Variants in DOP1A observed in about 807,000 individuals in gnomAD.
The protein encoded by DOP1A is protein DOP1A.
DOP1A carries 90 observed loss-of-function variants against 267.6 expected under a neutral mutation model. The observed-to-expected ratio is 0.34, with a 90% CI of 0.28 to 0.40. The LOEUF (loss-of-function observed/expected upper bound fraction) is 0.40, where lower values mean the gene tolerates loss of function less well. Ranked by LOEUF, DOP1A falls within the 10% of genes least tolerant of loss-of-function variation. The probability of loss-of-function intolerance (pLI) is 1.00; values close to 1 mark genes in which losing one functional copy is unlikely to be tolerated. For missense variants in DOP1A, 2,437 were observed against 2,900.4 expected (o/e 0.84, Z 3.67); for synonymous variants, 932 against 999.1 (o/e 0.93, Z 1.27).
chr6:83,078,172 A>G (rs772263550), intron 1 of DOP1A, among the ~76,000 whole-genome samples: 2 of 152,236 alleles, frequency 1.3e-5, no homozygotes, highest in Non-Finnish European at 2.9e-5. Context: ...GGTTTTGCTT[A>G]GCTGGGACAG....
intron 1 of DOP1A, among the ~76,000 whole-genome samples, chr6:83,080,790 A>G (rs1767940546): frequency 6.6e-6 from 1 of 152,200 alleles, no homozygotes; most frequent in Non-Finnish European, 1.5e-5. Flanking sequence ...ACGGCCATTT[A>G]TTGAATTAAA....
rs967139582 is a variant in DOP1A at position 83,135,124 on chromosome 6, C to G, written c.2871-495C>G. Among the ~76,000 whole-genome samples, 3 of 152,124 alleles carry G rather than the reference C, an allele frequency of 2.0e-5. No homozygotes were observed. In the South Asian group the frequency reaches 6.2e-4, roughly 31 times the overall value. ...TCAGGAAAAGTTGTTACTTGCCCAA[C>G]ACCACACAAAATATTTGAATCTTGG... On this transcript the variant is annotated intron_variant, in intron 19 of 38. Coordinates refer to ENST00000349129, the MANE Select transcript of DOP1A (RefSeq NM_015018.4).
chr6:83,135,984 A>G (rs981647002), intron 20 of DOP1A, 106 bp downstream of exon 20: 13 of 1,357,140 alleles, frequency 9.6e-6, no homozygotes, highest in Admixed American at 2.3e-5. Context: ...GATTTTCTCC[A>G]TGGGCTTATT....
chr6:83,102,566 C>A (rs551719428), intron 4 of DOP1A, among the ~76,000 whole-genome samples: 3 of 152,352 alleles, frequency 2.0e-5, no homozygotes, highest in Admixed American at 6.5e-5. Flanking sequence ...CTTCCCTGAA[C>A]CTTCACTGGC....
chr6:83,138,426 T>C lies in DOP1A; in HGVS notation c.4384T>C (p.Tyr1462His), dbSNP rs1025758668. 1 of 1,611,906 alleles carries C rather than the reference T, an allele frequency of 6.2e-7. No individual in the cohort carries two copies. Among genetic ancestry groups the C allele is most frequent in the Admixed American group, 1.7e-5 (1 of 59,990 alleles). Reference protein sequence around the residue: ...YIEILISLCLYYMRSHYPTHV... With the variant: ...YIEILISLCLHYMRSHYPTHV... ...AGAAATTCTTATTTCTCTCTGCTTA[T>C]ATTACATGCGTAGCCATTACCCAAC... Residue 1462 changes from tyrosine (Y) to histidine (H), a missense_variant, in exon 21 of 39, where the codon TAT becomes CAT. Around this residue, in one of 9 missense-constraint regions of DOP1A, gnomAD observed 878 missense variants for 992.9 expected, o/e 0.88. Transcript: ENST00000349129.
intron 1 of DOP1A, among the ~76,000 whole-genome samples, chr6:83,093,088 A>G (rs2128104966): frequency 6.6e-6 from 1 of 152,294 alleles, no homozygotes; most frequent in South Asian, 2.1e-4. Context: ...CCTTAGCATC[A>G]AATATCAAGT....
At chr6:83,130,031 G>C in intron 16 of DOP1A, 92 bp from the exon 17 acceptor site, 1 of 1,491,728 alleles carries the variant, frequency 6.7e-7, no homozygotes, top group Middle Eastern at 1.9e-4. Flanking sequence ...GGCCTTAAAA[G>C]TATTTAGTGG....
At chr6:83,143,543 G>A (rs1403646244) in intron 24 of DOP1A, among the ~76,000 whole-genome samples, 1 of 152,088 alleles carries the variant, frequency 6.6e-6, no homozygotes, top group East Asian at 1.9e-4. Context: ...TAATAGTAAT[G>A]TCCTTAAGTG....
At chr6:83,085,357 A>G (rs1276299759) in intron 1 of DOP1A, among the ~76,000 whole-genome samples, 4 of 152,230 alleles carry the variant, frequency 2.6e-5, no homozygotes, top group Non-Finnish European at 5.9e-5. Context: ...TAGACAGGAA[A>G]CAAGCAAATA....
At chr6:83,145,311 G>A (rs1199252241) in intron 24 of DOP1A, among the ~76,000 whole-genome samples, 1 of 128,026 alleles carries the variant, frequency 7.8e-6, no homozygotes, top group Non-Finnish European at 1.6e-5. Context: ...GCTGGGTGCA[G>A]TGGCTCATGC....
intron 24 of DOP1A, among the ~76,000 whole-genome samples, chr6:83,144,938 C>CA: frequency 6.8e-6 from 1 of 148,050 alleles, no homozygotes. Flanking sequence ...ACTCTGTCTC[C>CA]ACAAAAAAAT....
Position 83,098,085 on chromosome 6 carries a change from A to G in DOP1A, c.138+970A>G, listed in dbSNP as rs183522281. ...ATTTTTTTAGAGATAGGATCTCGCTATGTTGACCAGGGTGGTCTTGAACTC... is the reference window on the plus strand; with the variant it reads ...ATTTTTTTAGAGATAGGATCTCGCTGTGTTGACCAGGGTGGTCTTGAACTC... On this transcript the variant is annotated intron_variant, in intron 3 of 38. Coordinates refer to ENST00000349129, the MANE Select transcript of DOP1A (RefSeq NM_015018.4). Among the ~76,000 whole-genome samples the G allele has an allele frequency of 2.3e-3, 354 of 151,656 alleles. 1 individual carries two copies. Among genetic ancestry groups the G allele is most frequent in the African/African-American group, 8.1e-3 (334 of 41,320 alleles).
intron 1 of DOP1A, among the ~76,000 whole-genome samples, chr6:83,094,617 T>G (rs1335267669): frequency 6.6e-6 from 1 of 152,240 alleles, no homozygotes; most frequent in Non-Finnish European, 1.5e-5. Context: ...GGTTTTGATT[T>G]GTTTCCCTGA....
Position 83,134,238 on chromosome 6 carries a change from A to G in DOP1A, c.2821A>G (p.Arg941Gly). Residue 941 changes from arginine (R) to glycine (G), a missense_variant, in exon 19 of 39, where the codon AGA becomes GGA. Arg to Gly is a moderately radical substitution (Grantham distance 125). This residue lies in a region of DOP1A where 878 missense variants were observed against 992.9 expected (regional missense o/e 0.88). Coordinates refer to ENST00000349129, the MANE Select transcript of DOP1A (RefSeq NM_015018.4). ...AKFAVLWHLT[R>G]DLHINKSSSF... ...GTTTGCAGTTCTTTGGCATCTAACG[A>G]GAGATCTCCATATAAATAAATCTTC... 1.9e-6 allele frequency: 3 copies of G among 1,612,992 alleles called. No individual in the cohort carries two copies. The highest frequency in any genetic ancestry group is 2.5e-6 in the Non-Finnish European group (3 of 1,179,416).
At chr6:83,168,726 C>T (rs927152267), downstream of DOP1A, 4 of 997,198 alleles carry the variant, frequency 4.0e-6, no homozygotes, top group Non-Finnish European at 4.8e-6. Flanking sequence ...CTATTCATAC[C>T]TCTGAGTTCC....
intron 9 of DOP1A, among the ~76,000 whole-genome samples, chr6:83,120,097 A>G (rs920897486): frequency 2.6e-5 from 4 of 151,986 alleles, no homozygotes; most frequent in Non-Finnish European, 4.4e-5. Flanking sequence ...ACTTTATTAA[A>G]ACATAGTTGT....
Position 83,137,276 on chromosome 6 carries a change from A to G in DOP1A, c.3234A>G (p.Arg1078=). ...TCACTGTGAATCCATTAAGTGACAG[A>G]CTTTCCCTCCTAAGTACCAGCAGTG... The part of the protein sequence containing the change: ...FSLTVNPLSD[R]LSLLSTSSET... The change falls in exon 21 of 39, where the codon AGA becomes AGG. Residue 1078 remains arginine, a synonymous_variant. Transcript: ENST00000349129. 3.7e-6 allele frequency: 6 copies of G among 1,613,720 alleles called. No homozygotes were observed. Among genetic ancestry groups the G allele is most frequent in the African/African-American group, 1.3e-5 (1 of 75,030 alleles).
intron 3 of DOP1A, among the ~76,000 whole-genome samples, chr6:83,099,741 T>TACATATATATACACATAC (rs1772218676): frequency 6.6e-6 from 1 of 151,568 alleles, no homozygotes; most frequent in African/African-American, 2.4e-5. Context: ...TACACACGTA[T>TACATATATATACACATAC]ACATATATAT....
chr6:83,166,664 A>C, intron 38 of DOP1A: 4 of 1,262,092 alleles, frequency 3.2e-6, no homozygotes, highest in Non-Finnish European at 4.0e-6. Flanking sequence ...CAAAAACCGC[A>C]ATTACGTTTG....
Sources: gnomAD v4.1 joint callset for allele counts (sites outside exome capture counted in the v4.1 genomes callset) on GRCh38, gnomAD v4.1.1 for gene constraint, gnomAD v4.1.1 regional missense constraint, MANE v1.5 for transcripts, NCBI Gene and HGNC (gene_info 2026-07-23, HGNC 2026-07-21) for gene names.